The following DLGAP1 variants were observed in gnomAD, a reference collection of about 807,000 sequenced individuals.
DLGAP1 encodes disks large-associated protein 1.
A neutral mutation model predicts 90.8 loss-of-function variants in DLGAP1; 11 were observed. That is an observed-to-expected ratio of 0.12 (90% CI 0.08 to 0.20). The LOEUF is 0.20. Among genes scored for constraint, DLGAP1 ranks in the 10% least tolerant of loss-of-function variants. The pLI is 1.00. For missense variants in DLGAP1, 1,050 were observed against 1,333.8 expected (o/e 0.79, Z 3.31); for synonymous variants, 558 against 540.7 (o/e 1.03, Z -0.44).
At chr18:3,910,716 G>A (rs762556996) in intron 3 of DLGAP1, among the ~76,000 whole-genome samples, 24 of 152,244 alleles carry the variant, frequency 1.6e-4, no homozygotes, top group Non-Finnish European at 2.2e-4. Flanking sequence ...TTATGGAGCT[G>A]TATTTGTAGC....
At chr18:4,362,336 T>C (rs1676477) in intron 1 of DLGAP1, among the ~76,000 whole-genome samples, 46,357 of 152,082 alleles carry the variant, frequency 0.3, 7,654 homozygotes, top group Non-Finnish European at 0.37. Context: ...GCGAACCAAG[T>C]GTCCATCGAT....
At chr18:4,095,527 T>A (rs1366117232) in intron 2 of DLGAP1, among the ~76,000 whole-genome samples, 2 of 152,136 alleles carry the variant, frequency 1.3e-5, no homozygotes, top group Admixed American at 1.3e-4. Flanking sequence ...ACAGGTTATA[T>A]AAAGAATATA....
chr18:3,739,273 T>C (rs2062796424), intron 6 of DLGAP1, among the ~76,000 whole-genome samples: 1 of 151,336 alleles, frequency 6.6e-6, no homozygotes, highest in Non-Finnish European at 1.5e-5. Context: ...ATCCAATTAC[T>C]GGGTATATAC....
In DLGAP1 at chr18:4,342,058, A is replaced by C. The variant is rs1477233778; in HGVS notation, c.-267+112948T>G. Among the ~76,000 whole-genome samples, 1 of 152,170 alleles carries C rather than the reference A, an allele frequency of 6.6e-6. No homozygotes were observed. The highest frequency in any genetic ancestry group is 2.4e-5 in the African/African-American group (1 of 41,446). On this transcript the variant is annotated intron_variant, in intron 1 of 12. Coordinates refer to ENST00000315677, the MANE Select transcript of DLGAP1 (RefSeq NM_004746.4). This position sits in a 1 kb window ranked among gnomAD's most constrained non-coding sequence, Gnocchi z 5.8. ...TCATCTTCAGAATTTCTGAGCGGATAAAGTCCTCGGCATGCGGTGAACACT... is the reference window on the plus strand; with the variant it reads ...TCATCTTCAGAATTTCTGAGCGGATCAAGTCCTCGGCATGCGGTGAACACT...
At chr18:4,194,995 C>T (rs1226195016) in intron 1 of DLGAP1, among the ~76,000 whole-genome samples, 1 of 152,148 alleles carries the variant, frequency 6.6e-6, no homozygotes, top group Non-Finnish European at 1.5e-5. Flanking sequence ...TGACTATGGT[C>T]ACCCTGATGT....
chr18:4,034,037 C>CTTTTTTTTT (rs1212913784), intron 2 of DLGAP1, among the ~76,000 whole-genome samples: 2 of 111,208 alleles, frequency 1.8e-5, no homozygotes, highest in African/African-American at 3.1e-5. Context: ...GCGCCCGGCC[C>CTTTTTTTTT]TTTTTTTTTT....
At chr18:4,306,043 C>A (rs73942772) in intron 1 of DLGAP1, among the ~76,000 whole-genome samples, 1 of 19,404 alleles carries the variant, frequency 5.2e-5, no homozygotes, top group African/African-American at 6.8e-5. Context: ...TACACACACA[C>A]ACACACACAC....
chr18:3,959,938 C>A (rs2073164712), intron 3 of DLGAP1, among the ~76,000 whole-genome samples: 1 of 152,176 alleles, frequency 6.6e-6, no homozygotes, highest in Admixed American at 6.5e-5. Flanking sequence ...CATTTCAATT[C>A]AGACAAGCTT....
chr18:4,276,690 G>C (rs1209643956), intron 1 of DLGAP1, among the ~76,000 whole-genome samples: 2 of 150,816 alleles, frequency 1.3e-5, no homozygotes, highest in Non-Finnish European at 3.0e-5. Context: ...CATGGTAAAA[G>C]TAAAATGTCT....
intron 3 of DLGAP1, among the ~76,000 whole-genome samples, chr18:3,895,070 G>A (rs2071581386): frequency 6.6e-6 from 1 of 152,178 alleles, no homozygotes; most frequent in African/African-American, 2.4e-5. Context: ...TCAGGTGTCA[G>A]TATTAACAAA....
intron 1 of DLGAP1, among the ~76,000 whole-genome samples, chr18:4,208,179 T>G (rs887224707): frequency 2.0e-5 from 3 of 152,202 alleles, no homozygotes; most frequent in African/African-American, 7.2e-5. Flanking sequence ...CATTAAGATC[T>G]CCTGTACAGG....
intron 5 of DLGAP1, among the ~76,000 whole-genome samples, chr18:3,765,183 A>G (rs1378646959): frequency 1.6e-4 from 20 of 127,870 alleles, no homozygotes; most frequent in Non-Finnish European, 2.3e-4. Context: ...GCTGGAGTGC[A>G]GTGGCGCAGT....
intron 5 of DLGAP1, among the ~76,000 whole-genome samples, chr18:3,787,263 C>A (rs957668870): frequency 2.0e-5 from 3 of 151,834 alleles, no homozygotes; most frequent in Non-Finnish European, 4.4e-5. Flanking sequence ...GCGGGCGGAT[C>A]ACAAGATCAG....
chr18:3,560,896 A>G (rs2054049900), intron 9 of DLGAP1, among the ~76,000 whole-genome samples: 1 of 150,760 alleles, frequency 6.6e-6, no homozygotes, highest in Admixed American at 6.6e-5. Context: ...TAGAGTTTGC[A>G]TTATGTATTT....
intron 3 of DLGAP1, among the ~76,000 whole-genome samples, chr18:3,984,963 C>T (rs139003837): frequency 1.1e-3 from 163 of 152,320 alleles, no homozygotes; most frequent in African/African-American, 3.7e-3. Flanking sequence ...CTTGTATTCA[C>T]TCAGTGAGGA....
intron 5 of DLGAP1, among the ~76,000 whole-genome samples, chr18:3,749,512 T>A (rs1404680430): frequency 6.6e-6 from 1 of 152,208 alleles, no homozygotes; most frequent in African/African-American, 2.4e-5. Context: ...TTCCTCTTCC[T>A]CTAACTTGCC....
chr18:4,146,242 C>T (rs535455342), intron 2 of DLGAP1, among the ~76,000 whole-genome samples: 1 of 152,268 alleles, frequency 6.6e-6, no homozygotes, highest in African/African-American at 2.4e-5. Context: ...TTTAAAGTGA[C>T]CTTTCAGGTA....
At chr18:4,070,932 C>G (rs1044647434) in intron 2 of DLGAP1, among the ~76,000 whole-genome samples, 1 of 152,128 alleles carries the variant, frequency 6.6e-6, no homozygotes, top group African/African-American at 2.4e-5. Flanking sequence ...TCATCAGAAA[C>G]TGGCCCCATC....
intron 1 of DLGAP1, among the ~76,000 whole-genome samples, chr18:4,192,937 A>T (rs962306680): frequency 6.6e-6 from 1 of 152,234 alleles, no homozygotes. Context: ...GATAATCCAA[A>T]TTCCAGAAAA....
Sources: gnomAD v4.1 joint callset for allele counts (sites outside exome capture counted in the v4.1 genomes callset) on GRCh38, gnomAD v4.1.1 for gene constraint, Gnocchi (gnomAD v3.1) non-coding constraint, MANE v1.5 for transcripts, NCBI Gene and HGNC (gene_info 2026-07-23, HGNC 2026-07-21) for gene names.